Variants in SIPA1L1 observed in about 807,000 individuals in gnomAD.
SIPA1L1 encodes signal-induced proliferation-associated 1-like protein 1.
A neutral mutation model predicts 162.7 loss-of-function variants in SIPA1L1; 26 were observed. The observed-to-expected ratio is 0.16, with a 90% CI of 0.12 to 0.22. The LOEUF (loss-of-function observed/expected upper bound fraction) is 0.22. Ranked by LOEUF, SIPA1L1 falls within the 10% of genes least tolerant of loss-of-function variation. The pLI, the probability that SIPA1L1 is intolerant of heterozygous loss-of-function variation, is 1.00. For missense variants in SIPA1L1, 1,874 were observed against 2,241.0 expected, an observed-to-expected ratio of 0.84 and a Z score of 3.31; for synonymous variants, 829 against 837.4, an observed-to-expected ratio of 0.99 and a Z score of 0.17.
At chr14:71,561,421 T>C (rs946015566) in intron 4 of SIPA1L1, among the ~76,000 whole-genome samples, 1 of 152,222 alleles carries the variant, frequency 6.6e-6, no homozygotes, top group Non-Finnish European at 1.5e-5. Context: ...TCCAATAGCA[T>C]TGTACAATCC....
chr14:71,595,084 G>C (rs2035880624), intron 5 of SIPA1L1, among the ~76,000 whole-genome samples: 1 of 152,180 alleles, frequency 6.6e-6, no homozygotes, highest in South Asian at 2.1e-4. Flanking sequence ...AGCCTCTCAA[G>C]CCAGAGGTTT....
At chr14:71,350,223 C>T (rs2140575731) in intron 2 of SIPA1L1, among the ~76,000 whole-genome samples, 1 of 137,566 alleles carries the variant, frequency 7.3e-6, no homozygotes, top group East Asian at 2.0e-4. Context: ...CCCGTCTCTA[C>T]TAAACACACA....
chr14:71,415,232 C>A (rs550855941), intron 2 of SIPA1L1, among the ~76,000 whole-genome samples: 1 of 152,138 alleles, frequency 6.6e-6, no homozygotes, highest in East Asian at 1.9e-4. Flanking sequence ...CTATTTGTGA[C>A]CTTCCTTGAA....
intron 5 of SIPA1L1, among the ~76,000 whole-genome samples, chr14:71,607,486 T>C (rs940173060): frequency 2.7e-4 from 41 of 152,220 alleles, no homozygotes; most frequent in African/African-American, 9.1e-4. Context: ...AAGACCAGCC[T>C]GAGCAACATA....
intron 2 of SIPA1L1, among the ~76,000 whole-genome samples, chr14:71,486,782 A>C (rs538374715): frequency 6.6e-6 from 1 of 152,226 alleles, no homozygotes; most frequent in Non-Finnish European, 1.5e-5. Context: ...TTAATGCACC[A>C]TTATTACTTT....
chr14:71,464,863 A>G (rs1047549810), intron 2 of SIPA1L1, among the ~76,000 whole-genome samples: 36 of 152,276 alleles, frequency 2.4e-4, no homozygotes, highest in Middle Eastern at 3.4e-3. Flanking sequence ...TCACACTCTC[A>G]ACCTCACTTC....
chr14:71,544,215 G>GTATATATACATATATCA (rs1209977935), intron 4 of SIPA1L1, among the ~76,000 whole-genome samples: 5 of 145,376 alleles, frequency 3.4e-5, no homozygotes, highest in African/African-American at 1.2e-4. Context: ...GCACATGCAT[G>GTATATATACATATATCA]TGTATATACA....
intron 22 of SIPA1L1, among the ~76,000 whole-genome samples, chr14:71,736,970 G>A (rs755044124): frequency 5.3e-5 from 8 of 152,172 alleles, no homozygotes; most frequent in Non-Finnish European, 1.2e-4. Flanking sequence ...GTCCAGCACC[G>A]CCCCTTTTCT....
At chr14:71,614,020 G>A (rs1332457659) in intron 5 of SIPA1L1, among the ~76,000 whole-genome samples, 1 of 152,012 alleles carries the variant, frequency 6.6e-6, no homozygotes, top group African/African-American at 2.4e-5. Context: ...TGGCCAATGT[G>A]GTGAAACCTC....
intron 16 of SIPA1L1, among the ~76,000 whole-genome samples, chr14:71,706,172 T>C (rs1340333880): frequency 2.0e-5 from 3 of 152,168 alleles, no homozygotes; most frequent in African/African-American, 7.2e-5. Flanking sequence ...AGAGTTAGCA[T>C]GCCCTACGCT....
At chr14:71,321,607 G>C (rs1382461436) in intron 2 of SIPA1L1, 2 of 152,248 alleles carry the variant, frequency 1.3e-5, no homozygotes, top group African/African-American at 2.4e-5. Context: ...CGAACAGCTC[G>C]GTGCCCGAGG....
intron 2 of SIPA1L1, among the ~76,000 whole-genome samples, chr14:71,455,002 T>A (rs2046087533): frequency 6.6e-6 from 1 of 152,196 alleles, no homozygotes; most frequent in African/African-American, 2.4e-5. Flanking sequence ...TATTAATATT[T>A]GACAGGGGCT....
intron 6 of SIPA1L1, among the ~76,000 whole-genome samples, chr14:71,619,291 G>A (rs1014915922): frequency 2.6e-5 from 4 of 152,094 alleles, no homozygotes; most frequent in Admixed American, 6.5e-5. Context: ...ACTCTTCCAA[G>A]CTCTTGCTGA....
chr14:71,530,809 G>T (rs1595927593), intron 4 of SIPA1L1, among the ~76,000 whole-genome samples: 1 of 152,098 alleles, frequency 6.6e-6, no homozygotes, highest in Non-Finnish European at 1.5e-5. Flanking sequence ...ATAGTGTATT[G>T]TATGATTTTT....
In SIPA1L1 at chr14:71,671,106, C is replaced by T. The variant is rs756977925; in HGVS notation, c.2256-13C>T. ...AAATACTGACGTGGCTCTCTTTGAT[C>T]TTTGTCTCTCAGTGTGGCTGTTACC... On this transcript the variant is annotated splice_polypyrimidine_tract_variant and intron_variant, in intron 10 of 23. Transcript: ENST00000381232. The T allele has an allele frequency of 6.4e-7, 1 of 1,566,808 alleles. No individual in the cohort carries two copies. The highest frequency in any genetic ancestry group is 1.9e-5 in the Admixed American group (1 of 52,422).
Position 71,588,695 on chromosome 14 carries a change from T to A in SIPA1L1, c.823T>A (p.Phe275Ile). The change falls in exon 5 of 24, where the codon TTT becomes ATT. Residue 275 changes from phenylalanine (F) to isoleucine (I), a missense_variant. By Grantham distance (21) the Phe-to-Ile change is conservative. Coordinates refer to ENST00000381232, the MANE Select transcript of SIPA1L1 (RefSeq NM_001386936.1). This position sits in a 1 kb window ranked among gnomAD's most constrained non-coding sequence, Gnocchi z 4.3. ...PISQRENLRL[F>I]KEREKPLKRR... ...CTCACAGAGAGAGAACCTCAGGCTT[T>A]TTAAGGAAAGGGAAAAACCACTCAA... 2 of 1,614,026 alleles carry A rather than the reference T, an allele frequency of 1.2e-6. No individual in the cohort carries two copies. The highest frequency in any genetic ancestry group is 3.3e-4 in the Middle Eastern group (2 of 6,062).
chr14:71,357,814 G>A (rs1428380857), intron 2 of SIPA1L1, among the ~76,000 whole-genome samples: 2 of 152,112 alleles, frequency 1.3e-5, no homozygotes, highest in Admixed American at 1.3e-4. Flanking sequence ...TGCAACCTCT[G>A]CCTCCTGGGC....
At chr14:71,705,118 C>A in intron 15 of SIPA1L1, 104 bp from the exon 16 acceptor site, 1 of 803,672 alleles carries the variant, frequency 1.2e-6, no homozygotes, top group Non-Finnish European at 2.1e-6. Flanking sequence ...GCAGAGTTTG[C>A]TGGTCAGTGA....
chr14:71,510,952 C>A (rs1360914444), intron 2 of SIPA1L1, among the ~76,000 whole-genome samples: 4 of 152,090 alleles, frequency 2.6e-5, no homozygotes, highest in Non-Finnish European at 5.9e-5. Context: ...ACTAATGTTA[C>A]CCTGTCTTTC....
Sources: gnomAD v4.1 joint callset for allele counts (sites outside exome capture counted in the v4.1 genomes callset) on GRCh38, gnomAD v4.1.1 for gene constraint, Gnocchi (gnomAD v3.1) non-coding constraint, MANE v1.5 for transcripts, NCBI Gene and HGNC (gene_info 2026-07-23, HGNC 2026-07-21) for gene names.